AKR1C2: variants seen among roughly 807,000 people sequenced by gnomAD.
AKR1C2 encodes 3-alpha-HSD3.
Under a neutral mutation model 39.8 loss-of-function variants are expected in AKR1C2, and 27 were observed. The observed-to-expected ratio is 0.68, with a 90% CI of 0.50 to 0.93. The LOEUF (loss-of-function observed/expected upper bound fraction) is 0.93. Ranked by LOEUF, AKR1C2 falls within the 40% of genes least tolerant of loss-of-function variation. The pLI is 0.00. For synonymous variants in AKR1C2, 114 were observed against 137.9 expected, an observed-to-expected ratio of 0.83 and a Z score of 1.22; for missense variants, 263 against 365.1, an observed-to-expected ratio of 0.72 and a Z score of 2.28.
chr10:5,000,170 T>A (rs1837211896), intron 3 of AKR1C2: 1 of 1,369,684 alleles, frequency 7.3e-7, no homozygotes, highest in Non-Finnish European at 9.4e-7. Context: ...GGAAACTCAT[T>A]GTGCACCCTA....
At chr10:5,009,285 T>C (rs1837470513) in intron 1 of AKR1C2, among the ~76,000 whole-genome samples, 1 of 152,214 alleles carries the variant, frequency 6.6e-6, no homozygotes, top group South Asian at 2.1e-4. Context: ...ATGTTGACTC[T>C]GGATGAGTGA....
chr10:5,002,238 C>T (rs1377423305), intron 1 of AKR1C2, among the ~76,000 whole-genome samples: 1 of 152,162 alleles, frequency 6.6e-6, no homozygotes, highest in Non-Finnish European at 1.5e-5. Flanking sequence ...CTAGCAGACA[C>T]AAATCTTCCA....
chr10:5,007,830 C>G (rs1837436887), upstream of AKR1C2, among the ~76,000 whole-genome samples: 2 of 151,720 alleles, frequency 1.3e-5, no homozygotes, highest in African/African-American at 4.9e-5. Flanking sequence ...GTTTTATAGG[C>G]AGTGGTTGAA....
chr10:5,012,736 C>T (rs550956152), intron 1 of AKR1C2, among the ~76,000 whole-genome samples: 52 of 152,308 alleles, frequency 3.4e-4, no homozygotes, highest in African/African-American at 1.2e-3. Flanking sequence ...CAGGCCACAA[C>T]ATTTGTGATA....
At chr10:5,000,297 A>T (rs1564331444) in intron 3 of AKR1C2, 2 of 1,485,056 alleles carry the variant, frequency 1.3e-6, no homozygotes, top group East Asian at 4.9e-5. Context: ...GATGATTGTC[A>T]TTTCCTCAAG....
rs572318948 is a variant in AKR1C2, at chr10:5,001,080, T to G, written c.253-414A>C. ...TTTTAATATGTTAACTTGGGCTGGA[T>G]GCAATTTAAAACAATGTAGGTATCA... On this transcript the variant is annotated intron_variant, in intron 2 of 8. Transcript: ENST00000380753. Among the ~76,000 whole-genome samples the G allele has an allele frequency of 7.6e-4, 116 of 152,296 alleles. 1 individual carries two copies. Among genetic ancestry groups the G allele is most frequent in the African/African-American group, 2.7e-3 (113 of 41,576 alleles).
intron 1 of AKR1C2, among the ~76,000 whole-genome samples, chr10:5,011,491 G>A (rs530287017): frequency 6.6e-6 from 1 of 152,202 alleles, no homozygotes; most frequent in Non-Finnish European, 1.5e-5. Context: ...CAGATCTAAT[G>A]AATAAGAATC....
chr10:5,000,476 G>A, intron 3 of AKR1C2, 74 bp downstream of exon 3: 3 of 1,613,016 alleles, frequency 1.9e-6, no homozygotes, highest in South Asian at 2.2e-5. Context: ...AAAAAGCTTA[G>A]TTCAAATCTC....
chr10:5,008,927 G>A (rs573105727), upstream of AKR1C2, among the ~76,000 whole-genome samples: 71 of 152,314 alleles, frequency 4.7e-4, no homozygotes, highest in African/African-American at 1.7e-3. Flanking sequence ...GAGGTTCTAT[G>A]TGAACAAAAA....
intron 1 of AKR1C2, chr10:5,015,747 T>C (rs1208145394): frequency 1.3e-5 from 2 of 152,224 alleles, no homozygotes; most frequent in African/African-American, 2.4e-5. Context: ...TGTATTCTTG[T>C]GTATTAGTCC....
rs536391265 is a variant in AKR1C2, at chr10:5,011,113, T to C, written c.-88+6787A>G. 6.7e-5 allele frequency among the ~76,000 whole-genome samples: 10 copies of C among 149,588 alleles called. No homozygotes were observed. The East Asian group carries it at 9.7e-4, about 15-fold the overall frequency. On this transcript the variant is annotated intron_variant, in intron 1 of 6. Coordinates refer to the AKR1C2 transcript ENST00000604507. ...AAATAATTGCAAATTGTGAATCTAA[T>C]AGGGCACTGATATCCAAAATTTATA...
chr10:5,005,733 A>C (rs531602550), upstream of AKR1C2, among the ~76,000 whole-genome samples: 59 of 152,334 alleles, frequency 3.9e-4, no homozygotes, highest in African/African-American at 1.3e-3. Flanking sequence ...ACAGTCCATT[A>C]TGAGGAAGAA....
intron 1 of AKR1C2, among the ~76,000 whole-genome samples, chr10:5,014,113 C>G (rs1837580798): frequency 6.6e-6 from 1 of 152,176 alleles, no homozygotes; most frequent in African/African-American, 2.4e-5. Flanking sequence ...CTGATGCTCA[C>G]TTGCATTTTC....
chr10:5,004,206 T>C (rs1837352281), upstream of AKR1C2, among the ~76,000 whole-genome samples: 1 of 152,254 alleles, frequency 6.6e-6, no homozygotes, highest in Admixed American at 6.5e-5. Flanking sequence ...TGTGCCATGA[T>C]GATGAGTTCC....
intron 3 of AKR1C2, chr10:5,000,078 A>C: frequency 9.0e-7 from 1 of 1,115,526 alleles, no homozygotes; most frequent in African/African-American, 1.6e-5. Flanking sequence ...AGGAAGCAGA[A>C]GCAACAAGGT....
At chr10:5,007,033 G>A (rs570551544), upstream of AKR1C2, among the ~76,000 whole-genome samples, 162 of 146,472 alleles carry the variant, frequency 1.1e-3, 1 homozygote, top group East Asian at 3.7e-3. Context: ...TGGCCTCCCA[G>A]TGTGCTCGGA....
intron 3 of AKR1C2, 24 bp from the exon 4 acceptor site, chr10:4,999,301 G>A: frequency 6.5e-7 from 1 of 1,548,222 alleles, no homozygotes. Context: ...AGTCAGTTTA[G>A]TGATGTCACA....
chr10:5,015,195 G>A (rs77103105), intron 1 of AKR1C2: 24 of 152,370 alleles, frequency 1.6e-4, no homozygotes, highest in African/African-American at 5.3e-4. Flanking sequence ...AAGTGGCAGG[G>A]TCTAAGGCTC....
intron 3 of AKR1C2, 26 bp from the exon 4 acceptor site, chr10:4,999,303 G>A: frequency 1.3e-6 from 2 of 1,538,898 alleles, no homozygotes; most frequent in Middle Eastern, 1.7e-4. Flanking sequence ...TCAGTTTAGT[G>A]ATGTCACAAG....
Sources: gnomAD v4.1 joint callset for allele counts (sites outside exome capture counted in the v4.1 genomes callset) on GRCh38, gnomAD v4.1.1 for gene constraint, MANE v1.5 for transcripts, NCBI Gene and HGNC (gene_info 2026-07-23, HGNC 2026-07-21) for gene names.